DST: variants seen among roughly 807,000 people sequenced by gnomAD.
DST encodes dystonin.
A neutral mutation model predicts 875.2 loss-of-function variants in DST; 253 were observed. The observed-to-expected ratio is 0.29, with a 90% CI of 0.26 to 0.32. The LOEUF (loss-of-function observed/expected upper bound fraction) is 0.32. DST is among the 10% of genes least tolerant of loss of function. The pLI, the probability that DST is intolerant of heterozygous loss-of-function variation, is 1.00. For missense variants in DST, 8,287 were observed against 9,111.6 expected, an observed-to-expected ratio of 0.91 and a Z score of 3.68; for synonymous variants, 3,124 against 3,197.1, an observed-to-expected ratio of 0.98 and a Z score of 0.77.
At chr6:56,880,629 G>A (rs1016158695) in intron 3 of DST, among the ~76,000 whole-genome samples, 2 of 150,870 alleles carry the variant, frequency 1.3e-5, no homozygotes, top group Non-Finnish European at 2.9e-5. Flanking sequence ...GGAGGTTGCA[G>A]TGAGCCAAGA....
chr6:56,572,383 A>G, intron 52 of DST, 117 bp from the exon 53 acceptor site: 1 of 619,424 alleles, frequency 1.6e-6, no homozygotes, highest in Non-Finnish European at 2.5e-6. Flanking sequence ...CATAAGAATG[A>G]GTCTGCCTAT....
At position 56,511,411 on chromosome 6, in the gene DST, C is replaced by A; in HGVS notation, c.18577-11G>T. The A allele has an allele frequency of 6.3e-7, 1 of 1,588,640 alleles. No homozygotes were observed. The highest frequency in any genetic ancestry group is 8.6e-7 in the Non-Finnish European group (1 of 1,167,082). ...CAACTCACGCAGTTGCTATAACAAA[C>A]CAAACAGCTTTTCAGTATCTCAGGG... On this transcript the variant is annotated splice_polypyrimidine_tract_variant and intron_variant, in intron 72 of 103. Coordinates refer to ENST00000680361, the MANE Select transcript of DST (RefSeq NM_001374736.1).
Position 56,501,679 on chromosome 6 carries a change from C to T in DST, c.19581G>A (p.Glu6527=), listed in dbSNP as rs748618810. 6.3e-7 allele frequency: 1 copy of T among 1,593,588 alleles called. No homozygotes were observed. Among genetic ancestry groups the T allele is most frequent in the East Asian group, 2.3e-5 (1 of 43,886 alleles). Residue 6527 remains glutamate, a synonymous_variant, in exon 79 of 104, where the codon GAG becomes GAA. Transcript: ENST00000680361. ...CCATTTCTATCTGCTGTTGATAGGC[C>T]TCAGACTTAAATTGCTATTTTAAAA... ...QIEELKQFKS[E]AYQQQIEMER... is the part of the protein sequence containing the mutation.
intron 2 of DST, among the ~76,000 whole-genome samples, chr6:56,926,137 T>TA (rs35832341): frequency 2.5e-4 from 37 of 150,006 alleles, no homozygotes; most frequent in Admixed American, 4.7e-4. Flanking sequence ...CAGGTGGATT[T>TA]AAAAAAAAAA....
chr6:56,830,315 A>G (rs1562065548), intron 4 of DST, among the ~76,000 whole-genome samples: 1 of 152,206 alleles, frequency 6.6e-6, no homozygotes, highest in Non-Finnish European at 1.5e-5. Flanking sequence ...GGAACTGTAC[A>G]CGCAGTAGTC....
At chr6:56,879,928 A>T (rs1781289730) in intron 3 of DST, among the ~76,000 whole-genome samples, 1 of 152,262 alleles carries the variant, frequency 6.6e-6, no homozygotes, top group Non-Finnish European at 1.5e-5. Flanking sequence ...GGTTTAAGTC[A>T]TAGCTCAAGC....
intron 4 of DST, among the ~76,000 whole-genome samples, chr6:56,827,722 AG>A (rs2099782444): frequency 6.6e-6 from 1 of 152,138 alleles, no homozygotes; most frequent in Non-Finnish European, 1.5e-5. Flanking sequence ...GTTAGCATAG[AG>A]GGAACTGAGG....
At chr6:56,614,230 A>T in intron 37 of DST, 126 bp downstream of exon 37, 1 of 786,822 alleles carries the variant, frequency 1.3e-6, no homozygotes, top group Non-Finnish European at 1.8e-6. Flanking sequence ...TCTGATTTGC[A>T]TTATATTGGG....
At position 56,509,642 on chromosome 6, in the gene DST, C is replaced by T. The variant is rs779103627; in HGVS notation, c.19012G>A (p.Ala6338Thr). Residue 6338 changes from alanine (A) to threonine (T), a missense_variant and splice_region_variant, in exon 74 of 104, where the codon GCT becomes ACT. Physicochemically the swap from Ala to Thr is moderately conservative, Grantham distance 58 (BLOSUM62 0). Coordinates refer to ENST00000680361, the MANE Select transcript of DST (RefSeq NM_001374736.1). ...GGTDKDISAK[A>T]VQDKLDQMVF... ...TGTTTCCCTATTCCAAAAGTATTAC[C>T]TTTGGCAGATATGTCTTTATCAGTC... The T allele has an allele frequency of 6.2e-7, 1 of 1,607,404 alleles. No homozygotes were observed. Among genetic ancestry groups the T allele is most frequent in the Non-Finnish European group, 8.5e-7 (1 of 1,174,420 alleles).
At chr6:56,485,191 G>A in intron 88 of DST, 121 bp downstream of exon 88, 2 of 1,082,400 alleles carry the variant, frequency 1.8e-6, no homozygotes, top group South Asian at 2.9e-5. Context: ...CAACAATAAA[G>A]ACTGTTATGT....
At chr6:56,589,727 C>T (rs368417474) in intron 49 of DST, among the ~76,000 whole-genome samples, 10 of 152,206 alleles carry the variant, frequency 6.6e-5, no homozygotes, top group Middle Eastern at 3.2e-3. Context: ...CCACTAATTT[C>T]CCTGGAAGGG....
At chr6:56,851,969 C>T in intron 3 of DST, 1 of 1,468,102 alleles carries the variant, frequency 6.8e-7, no homozygotes, top group South Asian at 1.4e-5. Context: ...TTGGCTCCCC[C>T]ACCAGGACAG....
At chr6:56,569,532 G>A (rs1190360787) in intron 54 of DST, among the ~76,000 whole-genome samples, 1 of 152,098 alleles carries the variant, frequency 6.6e-6, no homozygotes, top group Admixed American at 6.6e-5. Flanking sequence ...TGAAGAGGAT[G>A]TTTTGCTTAA....
chr6:56,907,475 C>T (rs1457770219), intron 2 of DST, among the ~76,000 whole-genome samples: 1 of 152,130 alleles, frequency 6.6e-6, no homozygotes, highest in Non-Finnish European at 1.5e-5. Context: ...CCTATATACA[C>T]CCTGCAGAAA....
chr6:56,525,195 C>A (rs997451170), intron 69 of DST, among the ~76,000 whole-genome samples: 1 of 152,108 alleles, frequency 6.6e-6, no homozygotes, highest in East Asian at 1.9e-4. Context: ...TTTAGAGAAG[C>A]CTTCAGTGCC....
chr6:56,822,650 T>A (rs996441341), intron 4 of DST, among the ~76,000 whole-genome samples: 2 of 152,022 alleles, frequency 1.3e-5, no homozygotes, highest in Non-Finnish European at 2.9e-5. Flanking sequence ...GATCCTCAAA[T>A]AAATCATTAA....
intron 3 of DST, among the ~76,000 whole-genome samples, chr6:56,882,374 G>C (rs960435798): frequency 6.6e-6 from 1 of 152,178 alleles, no homozygotes; most frequent in Non-Finnish European, 1.5e-5. Flanking sequence ...TGGCAAAGTA[G>C]CTAAAAATTA....
rs532258725 is a variant in DST at position 56,460,250 on chromosome 6, G to A, written c.23075C>T (p.Thr7692Met). The A allele has an allele frequency of 9.5e-5, 154 of 1,613,858 alleles. 1 individual carries two copies. Among genetic ancestry groups the A allele is most frequent in the South Asian group, 5.2e-4 (47 of 91,058 alleles). ...SDFPVPSAEG[T>M]PIQGSKLRLP... The stretch of plus-strand genomic sequence containing the variant: ...TCGAAGCTTGCTTCCTTGTATTGGC[G>A]TTCCCTGTATTTAACCAGCAACAAG... The change falls in exon 103 of 104, where the codon ACG becomes ATG. Residue 7692 changes from threonine (T) to methionine (M), a missense_variant. By Grantham distance (81) the Thr-to-Met change is moderately conservative (BLOSUM62 -1). Coordinates refer to ENST00000680361, the MANE Select transcript of DST (RefSeq NM_001374736.1).
At chr6:56,809,538 G>A (rs1012921576) in intron 4 of DST, among the ~76,000 whole-genome samples, 5 of 152,128 alleles carry the variant, frequency 3.3e-5, no homozygotes, top group African/African-American at 1.2e-4. Context: ...AGAAATTAGA[G>A]CCTGCAATAT....
Sources: allele counts gnomAD v4.1 joint callset (sites outside exome capture counted in the v4.1 genomes callset), GRCh38; gene constraint gnomAD v4.1.1; transcripts MANE v1.5; gene names NCBI Gene and HGNC (gene_info 2026-07-23, HGNC 2026-07-21).